ZSCAN25: variants seen among roughly 807,000 people sequenced by gnomAD.
ZSCAN25 encodes zinc finger and SCAN domain containing 25.
Under a neutral mutation model 38.7 loss-of-function variants are expected in ZSCAN25, and 27 were observed. The observed-to-expected ratio is 0.70, with a 90% CI of 0.51 to 0.96. ZSCAN25 has a LOEUF of 0.96. Ranked by LOEUF, ZSCAN25 falls within the 40% of genes least tolerant of loss-of-function variation. ZSCAN25 has a pLI of 0.00. For missense variants in ZSCAN25, 637 were observed against 705.9 expected, an observed-to-expected ratio of 0.90 and a Z score of 1.11; for synonymous variants, 273 against 277.7, an observed-to-expected ratio of 0.98 and a Z score of 0.17.
rs1808072058 is a variant in ZSCAN25 at position 99,632,365 on chromosome 7, T to C, written c.*2345T>C. ...TCAAACCTATATAAATAAATCCTTA[T>C]GTATTTATCATTTGACTTTATTATA... On this transcript the variant is annotated 3_prime_UTR_variant, in exon 8 of 8. Transcript: ENST00000394152. 2 of 596,954 alleles carry C rather than the reference T, an allele frequency of 3.4e-6. No individual in the cohort carries two copies. Among genetic ancestry groups the C allele is most frequent in the Non-Finnish European group, 4.2e-6 (2 of 475,454 alleles). The allele number at this position is 596,954 out of a possible 1,614,324, so 37.0% of individuals were successfully genotyped here. A position where few individuals can be genotyped will look rare whatever the true frequency, so the allele number is the denominator to read the frequency against.
chr7:99,658,803 ACTTCT>A, the ZSCAN25 span: 15 of 151,782 alleles, frequency 9.9e-5, no homozygotes, highest in African/African-American at 3.6e-4. Flanking sequence ...TTTCTTCTAA[ACTTCT>A]CTTCTTTCTT....
chr7:99,631,675 C>G lies in ZSCAN25; in HGVS notation c.*1655C>G, dbSNP rs1808008449. 3 of 985,098 alleles carry G rather than the reference C, an allele frequency of 3.0e-6. No homozygotes were observed. The highest frequency in any genetic ancestry group is 9.4e-5 in the South Asian group (2 of 21,278). The allele number at this position is 985,098 out of a possible 1,614,324, so 61.0% of individuals were successfully genotyped here. A position where few individuals can be genotyped will look rare whatever the true frequency, so the allele number is the denominator to read the frequency against. ...GTAAATGGTAATGACTAACACAAAG[C>G]TGTATTACTCAGCCCACTTTGAAAC... On this transcript the variant is annotated 3_prime_UTR_variant, in exon 8 of 8. Coordinates refer to ENST00000394152, the MANE Select transcript of ZSCAN25 (RefSeq NM_145115.3).
the ZSCAN25 span, chr7:99,713,519 A>C: frequency 6.2e-7 from 1 of 1,613,368 alleles, no homozygotes; most frequent in African/African-American, 1.3e-5. Context: ...CATCAGCTGA[A>C]GGAAATCCAC....
At chr7:99,662,924 G>A in the ZSCAN25 span, 25 of 1,610,594 alleles carry the variant, frequency 1.6e-5, 1 homozygote, top group African/African-American at 2.4e-4. The surrounding 1 kb of genome is among the most constrained non-coding windows in gnomAD (Gnocchi z 4.3). Context: ...AAAGTGACTC[G>A]TGAAGTCAGA....
At chr7:99,626,573 A>G (rs893410098) in intron 7 of ZSCAN25, among the ~76,000 whole-genome samples, 9 of 152,184 alleles carry the variant, frequency 5.9e-5, no homozygotes, top group African/African-American at 1.9e-4. Context: ...AGAGGAGTCT[A>G]CGTCTTAGGA....
the ZSCAN25 span, among the ~76,000 whole-genome samples, chr7:99,690,266 C>T: frequency 2.6e-5 from 4 of 152,124 alleles, no homozygotes; most frequent in African/African-American, 9.7e-5. Flanking sequence ...AAACTGGATC[C>T]CTTCCTTACA....
chr7:99,714,679 A>C, the ZSCAN25 span: 18 of 1,611,562 alleles, frequency 1.1e-5, no homozygotes, highest in Non-Finnish European at 1.5e-5. Flanking sequence ...GAATGGAAAG[A>C]CTTCTGTAGA....
chr7:99,700,420 A>C, the ZSCAN25 span, among the ~76,000 whole-genome samples: 1 of 151,746 alleles, frequency 6.6e-6, no homozygotes, highest in Non-Finnish European at 1.5e-5. Context: ...ATCCATCCCC[A>C]CAAGCCACAA....
the ZSCAN25 span, chr7:99,652,835 G>T: frequency 7.5e-7 from 1 of 1,341,950 alleles, no homozygotes; most frequent in South Asian, 1.3e-5. Flanking sequence ...ACTCTCAACT[G>T]AGTCCATGCA....
the ZSCAN25 span, among the ~76,000 whole-genome samples, chr7:99,709,579 C>T: frequency 6.6e-6 from 1 of 152,042 alleles, no homozygotes; most frequent in African/African-American, 2.4e-5. Context: ...TGACCACTAG[C>T]ATCAAATAAA....
chr7:99,735,176 T>G, the ZSCAN25 span: 5 of 1,555,354 alleles, frequency 3.2e-6, no homozygotes, highest in Non-Finnish European at 4.4e-6. Flanking sequence ...TGTGTGGAGC[T>G]TTCCTGCCCT....
the ZSCAN25 span, chr7:99,652,588 C>A: frequency 6.2e-7 from 1 of 1,613,710 alleles, no homozygotes; most frequent in Non-Finnish European, 8.5e-7. Context: ...CTGTCCAGTA[C>A]TTTGGGTCAT....
the ZSCAN25 span, chr7:99,717,394 T>C: frequency 1.3e-6 from 2 of 1,592,218 alleles, no homozygotes; most frequent in South Asian, 1.1e-5. Context: ...TTTCTGTACA[T>C]AAAAAGACTA....
chr7:99,725,249 C>T, the ZSCAN25 span, among the ~76,000 whole-genome samples: 5 of 152,168 alleles, frequency 3.3e-5, no homozygotes, highest in Non-Finnish European at 4.4e-5. Flanking sequence ...GCCAGAAGGC[C>T]GCCTTATCCT....
chr7:99,720,364 C>T, the ZSCAN25 span: 1 of 1,613,758 alleles, frequency 6.2e-7, no homozygotes, highest in East Asian at 2.2e-5. Context: ...CTGTTTTGAT[C>T]ATGTCGGGAT....
the ZSCAN25 span, among the ~76,000 whole-genome samples, chr7:99,649,855 T>A: frequency 6.6e-6 from 1 of 152,072 alleles, no homozygotes; most frequent in African/African-American, 2.4e-5. Flanking sequence ...CTACACATAA[T>A]CATGTCATGC....
At chr7:99,711,405 A>G in the ZSCAN25 span, among the ~76,000 whole-genome samples, 1 of 152,202 alleles carries the variant, frequency 6.6e-6, no homozygotes, top group African/African-American at 2.4e-5. Context: ...TAAGAGACCA[A>G]TATTGGAATA....
the ZSCAN25 span, among the ~76,000 whole-genome samples, chr7:99,676,997 A>T: frequency 6.6e-6 from 1 of 152,192 alleles, no homozygotes; most frequent in African/African-American, 2.4e-5. Context: ...TTCTCAGGTC[A>T]TACTCACCTG....
the ZSCAN25 span, chr7:99,717,392 C>T: frequency 3.1e-6 from 5 of 1,591,598 alleles, no homozygotes; most frequent in South Asian, 5.6e-5. Flanking sequence ...GTTTTCTGTA[C>T]ATAAAAAGAC....
Sources: gnomAD v4.1 joint callset for allele counts (sites outside exome capture counted in the v4.1 genomes callset) on GRCh38, gnomAD v4.1.1 for gene constraint, Gnocchi (gnomAD v3.1) non-coding constraint, MANE v1.5 for transcripts, NCBI Gene and HGNC (gene_info 2026-07-23, HGNC 2026-07-21) for gene names.